MSN: variants seen among roughly 807,000 people sequenced by gnomAD.
The protein encoded by MSN is epididymis luminal protein 70.
Under a neutral mutation model 48.0 loss-of-function variants are expected in MSN, and 2 were observed. The ratio of observed to expected loss-of-function variants is 0.04; its 90% CI spans 0.02 to 0.13. MSN has a LOEUF of 0.13. Among genes scored for constraint, MSN ranks in the 10% least tolerant of loss-of-function variants. The pLI, the probability that MSN is intolerant of heterozygous loss-of-function variation, is 1.00. For missense variants in MSN, 267 were observed against 470.1 expected, an observed-to-expected ratio of 0.57 and a Z score of 3.99; for synonymous variants, 146 against 166.9, an observed-to-expected ratio of 0.87 and a Z score of 0.97.
intron 2 of MSN, among the ~76,000 whole-genome samples, chrX:65,724,809 C>A (rs1602855645): frequency 1.8e-5 from 2 of 110,851 alleles, no homozygotes; most frequent in African/African-American, 6.6e-5. Context: ...GCCTCAGCCT[C>A]CCGAGTAGCT....
At chrX:65,636,789 A>G (rs2070605311) in intron 1 of MSN, among the ~76,000 whole-genome samples, 1 of 104,313 alleles carries the variant, frequency 9.6e-6, no homozygotes, top group Non-Finnish European at 2.0e-5. Flanking sequence ...AAAGAAAGAA[A>G]AGAAAAGAAG....
In MSN at chrX:65,667,977, C is replaced by T. The variant is rs985908468; in HGVS notation, c.12+124C>T. 59 of 812,753 alleles carry T rather than the reference C, an allele frequency of 7.3e-5. No homozygotes were observed. The African/African-American group carries it at 7.3e-4, about 10-fold the overall frequency. The allele number at this position is 812,753 out of a possible 1,213,427, so 67.0% of individuals were successfully genotyped here. A position where few individuals can be genotyped will look rare whatever the true frequency, so the allele number is the denominator to read the frequency against. ...TGGGACGCCGCGCCCTCCGCCATAGCCAAGGGTAGGGAGGGGACCGGAGTG... is the reference window on the plus strand; with the variant it reads ...TGGGACGCCGCGCCCTCCGCCATAGTCAAGGGTAGGGAGGGGACCGGAGTG... On this transcript the variant is annotated intron_variant, in intron 1 of 12. Coordinates refer to ENST00000360270, the MANE Select transcript of MSN (RefSeq NM_002444.3).
intron 1 of MSN, among the ~76,000 whole-genome samples, chrX:65,682,372 G>A (rs1409688995): frequency 2.7e-5 from 3 of 112,133 alleles, no homozygotes; most frequent in Non-Finnish European, 5.6e-5. Flanking sequence ...GGCTTCTTTT[G>A]TTGTTTTTAT....
chrX:65,615,029 T>A (rs1306128002), intron 1 of MSN, among the ~76,000 whole-genome samples: 1 of 102,189 alleles, frequency 9.8e-6, no homozygotes, highest in African/African-American at 3.6e-5. Flanking sequence ...ACAAAGGACA[T>A]GAACTCATCA....
intron 1 of MSN, among the ~76,000 whole-genome samples, chrX:65,690,276 T>C (rs12843206): frequency 1.0e-3 from 113 of 111,861 alleles, no homozygotes; most frequent in Middle Eastern, 4.6e-3. Context: ...TGTGCCCATG[T>C]CAATATGGCA....
chrX:65,614,147 T>C (rs1275674663), intron 1 of MSN, among the ~76,000 whole-genome samples: 2 of 111,914 alleles, frequency 1.8e-5, no homozygotes, highest in Non-Finnish European at 3.8e-5. Flanking sequence ...CCATTGCTTG[T>C]TTTTGTCAGG....
intron 1 of MSN, among the ~76,000 whole-genome samples, chrX:65,637,062 C>T (rs1432567517): frequency 9.5e-6 from 1 of 105,634 alleles, no homozygotes; most frequent in Non-Finnish European, 1.9e-5. Flanking sequence ...TGCTCTCCAG[C>T]CTGGACGACA....
chrX:65,638,263 T>C (rs969997284), intron 1 of MSN, among the ~76,000 whole-genome samples: 1 of 112,466 alleles, frequency 8.9e-6, no homozygotes, highest in East Asian at 2.8e-4. Context: ...CTGCCTAGAA[T>C]GAATTCCTCT....
chrX:65,657,389 G>A (rs1414930456), intron 1 of MSN, among the ~76,000 whole-genome samples: 1 of 110,111 alleles, frequency 9.1e-6, no homozygotes, highest in African/African-American at 3.3e-5. Flanking sequence ...AGCTCAGCAG[G>A]CTGTTTTCTC....
At chrX:65,716,643 T>G (rs935415107) in intron 1 of MSN, 175 bp from the exon 2 acceptor site, 1 of 460,978 alleles carries the variant, frequency 2.2e-6, no homozygotes, top group African/African-American at 2.4e-5. Context: ...ATAAGCTGCT[T>G]GGGAGCAGGG....
intron 1 of MSN, among the ~76,000 whole-genome samples, chrX:65,617,049 G>A (rs2070380242): frequency 9.3e-6 from 1 of 107,972 alleles, no homozygotes; most frequent in Admixed American, 9.8e-5. Context: ...GCCTCCCAGG[G>A]ATGAAGCCCA....
intron 1 of MSN, 96 bp downstream of exon 1, chrX:65,667,949 G>C: frequency 1.0e-6 from 1 of 967,068 alleles, no homozygotes; most frequent in Non-Finnish European, 1.4e-6. Flanking sequence ...CCACCGGCCC[G>C]CCTGGGACGC....
intron 1 of MSN, among the ~76,000 whole-genome samples, chrX:65,641,721 A>G (rs1382306590): frequency 9.7e-6 from 1 of 103,534 alleles, no homozygotes; most frequent in African/African-American, 3.5e-5. Context: ...GTCTCTGGAG[A>G]CTGAAATCAT....
At chrX:65,629,754 C>T (rs189348360) in intron 1 of MSN, among the ~76,000 whole-genome samples, 69 of 111,772 alleles carry the variant, frequency 6.2e-4, no homozygotes, top group Middle Eastern at 4.6e-3. Flanking sequence ...GGGAAAGACT[C>T]GCCCCCATGA....
At chrX:65,626,029 A>G (rs2070502189) in intron 1 of MSN, among the ~76,000 whole-genome samples, 1 of 98,345 alleles carries the variant, frequency 1.0e-5, no homozygotes, top group Admixed American at 1.2e-4. Context: ...ATCTCAGCTC[A>G]CTGCAAGCTC....
chrX:65,593,836 C>G (rs998263997), intron 1 of MSN, among the ~76,000 whole-genome samples: 9 of 112,981 alleles, frequency 8.0e-5, no homozygotes, highest in South Asian at 3.6e-4. Context: ...AGCCACTGCA[C>G]CCGGCAGGCA....
intron 1 of MSN, among the ~76,000 whole-genome samples, chrX:65,649,646 T>A: frequency 9.5e-6 from 1 of 105,747 alleles, no homozygotes. Flanking sequence ...TATATGTATG[T>A]GTGTGTATAT....
chrX:65,651,561 TTTATTATTATTA>T lies in MSN; in HGVS notation c.-22+62979_-22+62990del, dbSNP rs35256397. On this transcript the variant is annotated intron_variant, in intron 1 of 3. Transcript: ENST00000609672. ...AAAATGGGCAAGGAAAGAAGTAATA[TTTATTATTATTA>T]TTATTATTATTATTATTATTATTAT... 2.4e-3 allele frequency among the ~76,000 whole-genome samples: 231 copies of T among 94,501 alleles called. 1 individual carries two copies. The highest frequency in any genetic ancestry group is 8.6e-3 in the African/African-American group (208 of 24,258). 82.1% of individuals were successfully genotyped at this position (94,501 alleles called of 115,157 possible).
At chrX:65,675,537 G>A (rs2070989119) in intron 1 of MSN, among the ~76,000 whole-genome samples, 1 of 111,814 alleles carries the variant, frequency 8.9e-6, no homozygotes, top group African/African-American at 3.2e-5. Flanking sequence ...CATAGATGAA[G>A]CTACTCTTTC....
Sources: allele counts gnomAD v4.1 joint callset (sites outside exome capture counted in the v4.1 genomes callset), GRCh38; gene constraint gnomAD v4.1.1; transcripts MANE v1.5; gene names NCBI Gene and HGNC (gene_info 2026-07-23, HGNC 2026-07-21).